FAM240B: variants seen among roughly 807,000 people sequenced by gnomAD.
FAM240B encodes protein FAM240B.
At chr9:38,708,188 G>A (rs6476733) in intron 1 of FAM240B, among the ~76,000 whole-genome samples, 14,401 of 152,204 alleles carry the variant, frequency 0.095, 859 homozygotes, top group African/African-American at 0.16. Flanking sequence ...CTATCTGCAG[G>A]TAGAACCTAT....
At chr9:38,710,991 A>C (rs1347300675) in intron 1 of FAM240B, among the ~76,000 whole-genome samples, 3 of 152,144 alleles carry the variant, frequency 2.0e-5, no homozygotes, top group Admixed American at 6.5e-5. Context: ...CAGCCACGGG[A>C]CAGAGAGATG....
At chr9:38,711,720 G>C (rs1411444162) in intron 1 of FAM240B, among the ~76,000 whole-genome samples, 3 of 142,378 alleles carry the variant, frequency 2.1e-5, no homozygotes, top group African/African-American at 5.3e-5. Context: ...TCAGTGGCTC[G>C]ATCTCTGCTC....
At chr9:38,717,254 A>G (rs977646093) in intron 1 of FAM240B, among the ~76,000 whole-genome samples, 7 of 152,098 alleles carry the variant, frequency 4.6e-5, no homozygotes, top group Non-Finnish European at 1.0e-4. Context: ...CATTTATTCA[A>G]AGAAAATCCC....
intron 1 of FAM240B, among the ~76,000 whole-genome samples, chr9:38,716,799 G>C (rs946229267): frequency 6.6e-6 from 1 of 152,150 alleles, no homozygotes; most frequent in Non-Finnish European, 1.5e-5. Context: ...TTAAGAGTGC[G>C]CTCTAGCCAG....
intron 1 of FAM240B, among the ~76,000 whole-genome samples, chr9:38,708,677 A>G (rs574580995): frequency 6.6e-6 from 1 of 152,124 alleles, no homozygotes; most frequent in Non-Finnish European, 1.5e-5. Flanking sequence ...CCCACCATTC[A>G]TTCCCCAAAT....
chr9:38,704,331 T>C (rs1168480872), intron 1 of FAM240B, among the ~76,000 whole-genome samples: 1 of 152,168 alleles, frequency 6.6e-6, no homozygotes, highest in Non-Finnish European at 1.5e-5. Flanking sequence ...TTGTAAATTA[T>C]AGAAAAATTA....
At chr9:38,711,550 G>A (rs1459580680) in intron 1 of FAM240B, among the ~76,000 whole-genome samples, 1 of 152,190 alleles carries the variant, frequency 6.6e-6, no homozygotes, top group Admixed American at 6.5e-5. Context: ...GGAGTGCAAT[G>A]TGGGAGTGCT....
chr9:38,706,316 G>A (rs1217967885), intron 1 of FAM240B, among the ~76,000 whole-genome samples: 1 of 152,016 alleles, frequency 6.6e-6, no homozygotes, highest in Non-Finnish European at 1.5e-5. Flanking sequence ...TGGCTGTCAG[G>A]ACCTGGAGCC....
chr9:38,697,587 T>C (rs1056873202), intron 2 of FAM240B, among the ~76,000 whole-genome samples: 1 of 152,252 alleles, frequency 6.6e-6, no homozygotes, highest in Non-Finnish European at 1.5e-5. Context: ...TATAAGCTAA[T>C]TTTTAAATGT....
chr9:38,712,129 A>AGCTT lies in FAM240B; in HGVS notation c.-4+7889_-4+7892dup, dbSNP rs1056412975. 1.2e-3 allele frequency among the ~76,000 whole-genome samples: 186 copies of AGCTT among 152,280 alleles called. 1 individual carries two copies. Among genetic ancestry groups the AGCTT allele is most frequent in the African/African-American group, 4.2e-3 (175 of 41,558 alleles). On this transcript the variant is annotated intron_variant, in intron 1 of 2. Transcript: ENST00000637493. ...GGGCAATATGACTGAGTTCTTGGGT[A>AGCTT]GCTTGGAGTTTTAACTAAAAAAGGA...
intron 1 of FAM240B, among the ~76,000 whole-genome samples, chr9:38,704,726 G>A (rs1406992265): frequency 2.0e-5 from 3 of 152,166 alleles, no homozygotes; most frequent in Non-Finnish European, 4.4e-5. Context: ...AGCCTCTGCT[G>A]TCTATCGAGG....
intron 1 of FAM240B, among the ~76,000 whole-genome samples, chr9:38,718,589 A>T (rs1403879086): frequency 6.6e-6 from 1 of 152,238 alleles, no homozygotes; most frequent in Admixed American, 6.5e-5. Flanking sequence ...GAATTAATGA[A>T]TTGATGAGTC....
intron 2 of FAM240B, among the ~76,000 whole-genome samples, chr9:38,703,191 A>G (rs62540086): frequency 0.055 from 8,375 of 152,204 alleles, 322 homozygotes; most frequent in Non-Finnish European, 0.086. Flanking sequence ...TATTGGTGAT[A>G]TTTTCTATTT....
At chr9:38,707,134 A>G (rs1821199478) in intron 1 of FAM240B, among the ~76,000 whole-genome samples, 1 of 152,244 alleles carries the variant, frequency 6.6e-6, no homozygotes, top group Non-Finnish European at 1.5e-5. Context: ...ATTACAAAAT[A>G]CCCCTAAAGA....
At chr9:38,718,923 A>G (rs181331776) in intron 1 of FAM240B, among the ~76,000 whole-genome samples, 2 of 152,230 alleles carry the variant, frequency 1.3e-5, no homozygotes, top group African/African-American at 2.4e-5. Context: ...TATGAATTTC[A>G]TTCACTTTTT....
intron 1 of FAM240B, among the ~76,000 whole-genome samples, chr9:38,711,166 G>T (rs1257734965): frequency 2.0e-5 from 3 of 152,108 alleles, no homozygotes; most frequent in African/African-American, 7.2e-5. Flanking sequence ...TTTCCTCTCC[G>T]CACTTTCTGT....
At chr9:38,702,663 C>T (rs1821144421) in intron 2 of FAM240B, among the ~76,000 whole-genome samples, 1 of 152,204 alleles carries the variant, frequency 6.6e-6, no homozygotes, top group African/African-American at 2.4e-5. Context: ...AGCAAAACTT[C>T]ATCTCTCAGC....
intron 1 of FAM240B, among the ~76,000 whole-genome samples, chr9:38,709,666 T>C (rs1475232308): frequency 1.3e-5 from 2 of 152,200 alleles, no homozygotes; most frequent in Non-Finnish European, 2.9e-5. Context: ...GATGGACCAG[T>C]AGGGTTTTAT....
intron 1 of FAM240B, among the ~76,000 whole-genome samples, chr9:38,710,942 AC>A (rs1821247907): frequency 6.6e-6 from 1 of 151,934 alleles, no homozygotes; most frequent in South Asian, 2.1e-4. Context: ...TTTAAACCAA[AC>A]CCAACTCCCA....
Sources: allele counts gnomAD v4.1 joint callset (sites outside exome capture counted in the v4.1 genomes callset), GRCh38; gene constraint gnomAD v4.1.1; transcripts MANE v1.5; gene names NCBI Gene and HGNC (gene_info 2026-07-23, HGNC 2026-07-21).